Variants in TMEM247 observed in about 807,000 individuals in gnomAD.
TMEM247 encodes the protein transmembrane protein ENSP00000343375.
A neutral mutation model predicts 20.7 loss-of-function variants in TMEM247; 23 were observed. The ratio of observed to expected loss-of-function variants is 1.11; its 90% CI spans 0.80 to 1.57. The LOEUF (loss-of-function observed/expected upper bound fraction) is 1.57. Ranked by LOEUF, TMEM247 falls within the 40% of genes most tolerant of loss-of-function variation. The pLI is 0.00. For synonymous variants in TMEM247, 106 were observed against 111.9 expected (o/e 0.95, Z 0.33); for missense variants, 354 against 283.8 (o/e 1.25, Z -1.78).
At position 46,479,641 on chromosome 2, in the gene TMEM247, CGA is replaced by C; in HGVS notation, c.57_58del (p.Thr20LeufsTer8). 6.4e-7 allele frequency: 1 copy of C among 1,551,678 alleles called. No individual in the cohort carries two copies. Among genetic ancestry groups the C allele is most frequent in the South Asian group, 1.2e-5 (1 of 84,058 alleles). On this transcript the variant is annotated frameshift_variant, in exon 1 of 3. Transcript: ENST00000434431. LOFTEE classifies it high-confidence loss of function. ...GCCCGGGGTGCGGGAGAAAGTTGCCCGACCTTCCCCAAGATGGTGCCTGGTGA... is the reference window on the plus strand; with the variant it reads ...GCCCGGGGTGCGGGAGAAAGTTGCCCCCTTCCCCAAGATGGTGCCTGGTGA...
intron 1 of TMEM247, 76 bp downstream of exon 1, chr2:46,479,778 T>C: frequency 9.1e-7 from 1 of 1,094,812 alleles, no homozygotes; most frequent in Non-Finnish European, 1.4e-6. Context: ...AACACATGCT[T>C]TGAGCTTCCA....
intron 1 of TMEM247, 113 bp from the exon 2 acceptor site, chr2:46,480,292 A>G (rs1378467807): frequency 8.2e-7 from 1 of 1,215,142 alleles, no homozygotes; most frequent in Non-Finnish European, 1.1e-6. Context: ...AGATCTTTAC[A>G]ATTCAAACAC....
At chr2:46,482,064 TTC>T (rs934581059) in intron 2 of TMEM247, among the ~76,000 whole-genome samples, 11 of 152,248 alleles carry the variant, frequency 7.2e-5, no homozygotes, top group Non-Finnish European at 1.3e-4. Flanking sequence ...CCAGTTTTGT[TTC>T]TGTTTTTTTA....
rs748587672 is a variant in TMEM247, at chr2:46,480,374, G to A, written c.118-31G>A. The A allele has an allele frequency of 4.0e-6, 6 of 1,506,838 alleles. No individual in the cohort carries two copies. The African/African-American group carries it at 6.9e-5, about 17-fold the overall frequency. 93.3% of individuals were successfully genotyped at this position (1,506,838 alleles called of 1,614,324 possible). ...GGCAGCCCCATCCTGACTCTTCAAG[G>A]TACCTCCCCTCCCTGCTTCCCCTAC... On this transcript the variant is annotated intron_variant, in intron 1 of 2. Transcript: ENST00000434431.
chr2:46,480,522 A>C, exon 2 of TMEM247: 2 of 1,551,680 alleles, frequency 1.3e-6, no homozygotes, highest in Admixed American at 3.9e-5. Flanking sequence ...CTGCCGTGCT[A>C]CCAAAGGCCA....
chr2:46,480,503 C>T, exon 2 of TMEM247: 1 of 1,551,734 alleles, frequency 6.4e-7, no homozygotes, highest in Non-Finnish European at 8.7e-7. Flanking sequence ...AATCGCTGTC[C>T]CCCAAGTCCT....
chr2:46,479,769 A>T (rs1260205858), intron 1 of TMEM247, 67 bp downstream of exon 1: 2 of 1,180,038 alleles, frequency 1.7e-6, no homozygotes, highest in East Asian at 2.6e-5. Flanking sequence ...TACTGTAGGA[A>T]CACATGCTTT....
exon 2 of TMEM247, chr2:46,480,662 C>CCAGCGG (rs759003079): frequency 2.0e-5 from 23 of 1,122,062 alleles, no homozygotes; most frequent in Middle Eastern, 4.4e-4. Context: ...ATGAGAAGAA[C>CCAGCGG]CAGCGGCAGC....
exon 2 of TMEM247, chr2:46,480,621 G>C (rs1686863241): frequency 7.0e-7 from 1 of 1,433,136 alleles, no homozygotes; most frequent in African/African-American, 1.6e-5. Flanking sequence ...GGTGCGCATG[G>C]AGTTCGAGCT....
At chr2:46,481,412 G>A (rs1345235554) in intron 2 of TMEM247, among the ~76,000 whole-genome samples, 1 of 152,218 alleles carries the variant, frequency 6.6e-6, no homozygotes, top group East Asian at 1.9e-4. Context: ...TTAGCACAGT[G>A]GCTAGGCTAT....
chr2:46,480,769 G>A lies in TMEM247; in HGVS notation c.477+5G>A. On this transcript the variant is annotated splice_donor_5th_base_variant and intron_variant, in intron 2 of 2. Coordinates refer to ENST00000434431, the Ensembl canonical transcript of TMEM247. ...CAAGAGGCGGCGCCCCGCCTGGTGG[G>A]TGACAAGGAACGGGGCACTGGGAGG... is the stretch of plus-strand genomic sequence containing the variant. 1.7e-6 allele frequency: 2 copies of A among 1,170,610 alleles called. No homozygotes were observed. Among genetic ancestry groups the A allele is most frequent in the Non-Finnish European group, 2.1e-6 (2 of 933,660 alleles). The allele number at this position is 1,170,610 out of a possible 1,614,324, so 72.5% of individuals were successfully genotyped here. A position where few individuals can be genotyped will look rare whatever the true frequency, so the allele number is the denominator to read the frequency against.
exon 2 of TMEM247, chr2:46,480,683 G>T: frequency 6.4e-7 from 1 of 1,550,914 alleles, no homozygotes; most frequent in South Asian, 1.2e-5. Context: ...GGCAGCACGA[G>T]GTGGTGATGG....
At chr2:46,480,717 C>G in exon 2 of TMEM247, 1 of 1,551,564 alleles carries the variant, frequency 6.4e-7, no homozygotes, top group South Asian at 1.2e-5. Context: ...GGAGCGGCAG[C>G]ACGAGGTGGT....
At chr2:46,480,895 A>C (rs1290343938) in intron 2 of TMEM247, 131 bp downstream of exon 2, 8 of 1,282,404 alleles carry the variant, frequency 6.2e-6, no homozygotes, top group South Asian at 1.6e-5. Context: ...CTCGGCTGAA[A>C]GGGGCTGAGC....
At chr2:46,481,712 T>C (rs1686893341) in intron 2 of TMEM247, among the ~76,000 whole-genome samples, 1 of 152,236 alleles carries the variant, frequency 6.6e-6, no homozygotes, top group Admixed American at 6.5e-5. Context: ...GCAATTCACT[T>C]CTTGACCCAA....
At chr2:46,483,024 A>T (rs1228378124) in intron 2 of TMEM247, among the ~76,000 whole-genome samples, 1 of 152,168 alleles carries the variant, frequency 6.6e-6, no homozygotes, top group Non-Finnish European at 1.5e-5. Flanking sequence ...GGGTGAATAG[A>T]TGGACGGACA....
At chr2:46,480,788 T>G (rs986785089) in intron 2 of TMEM247, 24 bp downstream of exon 2, 1 of 1,274,742 alleles carries the variant, frequency 7.8e-7, no homozygotes, top group Non-Finnish European at 1.0e-6. Context: ...AACGGGGCAC[T>G]GGGAGGAGGG....
At chr2:46,484,384 T>G (rs1415718526) in exon 3 of TMEM247, 3 of 1,552,180 alleles carry the variant, frequency 1.9e-6, no homozygotes, top group Non-Finnish European at 2.6e-6. Context: ...TATTCTGCAT[T>G]GCAGCCATTT....
At chr2:46,484,375 A>C (rs1412439184) in exon 3 of TMEM247, 1 of 1,552,276 alleles carries the variant, frequency 6.4e-7, no homozygotes, top group Admixed American at 2.0e-5. Flanking sequence ...AGCACTACCT[A>C]TTCTGCATTG....
Sources: gnomAD v4.1 joint callset for allele counts (sites outside exome capture counted in the v4.1 genomes callset) on GRCh38, gnomAD v4.1.1 for gene constraint, MANE v1.5 for transcripts, NCBI Gene and HGNC (gene_info 2026-07-23, HGNC 2026-07-21) for gene names.